The following HUNK variants were observed in gnomAD, a reference collection of about 807,000 sequenced individuals.
The protein encoded by HUNK is hormonally up-regulated neu tumor-associated kinase.
In HUNK, 21 loss-of-function variants were observed where a neutral mutation model predicts 61.0. The observed-to-expected ratio is 0.34, with a 90% CI of 0.24 to 0.50. The LOEUF (loss-of-function observed/expected upper bound fraction) is 0.50, where lower values mean the gene tolerates loss of function less well. HUNK is among the 20% of genes least tolerant of loss of function. The pLI, the probability that HUNK is intolerant of heterozygous loss-of-function variation, is 0.98. For missense variants in HUNK, 772 were observed against 945.7 expected, an observed-to-expected ratio of 0.82 and a Z score of 2.41; for synonymous variants, 371 against 386.1, an observed-to-expected ratio of 0.96 and a Z score of 0.46.
intron 7 of HUNK, among the ~76,000 whole-genome samples, chr21:31,975,206 C>T (rs1314805830): frequency 6.6e-6 from 1 of 152,162 alleles, no homozygotes; most frequent in Non-Finnish European, 1.5e-5. Context: ...ACTCTGGCAC[C>T]TTCCCTCAGT....
intron 1 of HUNK, among the ~76,000 whole-genome samples, chr21:31,908,517 A>G (rs1251406630): frequency 6.6e-6 from 1 of 152,008 alleles, no homozygotes; most frequent in African/African-American, 2.4e-5. Context: ...CGGTCGGGCA[A>G]CAGGTGGGGA....
At chr21:31,948,032 A>G (rs949654370) in intron 4 of HUNK, among the ~76,000 whole-genome samples, 3 of 152,190 alleles carry the variant, frequency 2.0e-5, no homozygotes, top group African/African-American at 7.2e-5. Flanking sequence ...CAGTGCAATC[A>G]TTACTCTCTA....
chr21:31,954,923 C>G (rs984540792), intron 4 of HUNK, among the ~76,000 whole-genome samples: 3 of 152,136 alleles, frequency 2.0e-5, no homozygotes, highest in Non-Finnish European at 4.4e-5. Context: ...TTGGGACTTA[C>G]AGGCGCATGC....
intron 6 of HUNK, 79 bp from the exon 7 acceptor site, chr21:31,974,476 C>T (rs2123852715): frequency 7.6e-7 from 1 of 1,315,276 alleles, no homozygotes; most frequent in South Asian, 1.6e-5. Flanking sequence ...ATGAATGAAG[C>T]TGATTGTGCC....
chr21:31,968,376 A>G lies in HUNK; in HGVS notation c.1001A>G (p.Tyr334Cys). The G allele has an allele frequency of 6.2e-7, 1 of 1,614,202 alleles. No individual in the cohort carries two copies. The highest frequency in any genetic ancestry group is 8.5e-7 in the Non-Finnish European group (1 of 1,180,024). ...GGCAAAGTGCCCTGTAATGTCACCT[A>G]TCCCAACAGGTAATTTCGTGCACCC... ...YTGKVPCNVT[Y>C]PNRISLEDLS... The change falls in exon 6 of 11, where the codon TAT (tyrosine) becomes TGT (cysteine). Residue 334 changes from tyrosine to cysteine, a missense_variant. Around this residue, in one of 2 missense-constraint regions of HUNK, gnomAD observed 359 missense variants for 501.3 expected, o/e 0.72. Transcript: ENST00000270112.
At chr21:31,941,311 T>C (rs12627166) in intron 3 of HUNK, among the ~76,000 whole-genome samples, 11 of 113,760 alleles carry the variant, frequency 9.7e-5, no homozygotes, top group African/African-American at 1.5e-4. Context: ...CTCTCTCTCT[T>C]TTTTTTTTTT....
chr21:31,903,693 A>G (rs189684370), intron 1 of HUNK, among the ~76,000 whole-genome samples: 7 of 152,308 alleles, frequency 4.6e-5, no homozygotes, highest in Non-Finnish European at 7.4e-5. Context: ...AATAAAATTT[A>G]CCCCTCCGTT....
At chr21:31,972,166 A>C (rs550152012) in intron 6 of HUNK, among the ~76,000 whole-genome samples, 3 of 152,242 alleles carry the variant, frequency 2.0e-5, no homozygotes, top group Admixed American at 2.0e-4. Flanking sequence ...GGGCCTGGAC[A>C]GTCTCTCCAC....
intron 1 of HUNK, among the ~76,000 whole-genome samples, chr21:31,886,384 C>T (rs920318409): frequency 1.3e-5 from 2 of 150,818 alleles, no homozygotes. Flanking sequence ...CGAGATTGCG[C>T]CATTGTACTC....
intron 6 of HUNK, among the ~76,000 whole-genome samples, chr21:31,973,603 T>A (rs1463505060): frequency 6.6e-6 from 1 of 151,826 alleles, no homozygotes; most frequent in Non-Finnish European, 1.5e-5. Flanking sequence ...ATGATGATGA[T>A]GATGATGGAT....
At chr21:31,986,712 G>A (rs1412367197) in intron 8 of HUNK, among the ~76,000 whole-genome samples, 1 of 152,062 alleles carries the variant, frequency 6.6e-6, no homozygotes, top group Non-Finnish European at 1.5e-5. Context: ...TGCTCTCTCT[G>A]CCTGTGGGGG....
chr21:31,979,515 C>CTTTTTT lies in HUNK; in HGVS notation c.1174-3988_1174-3983dup, dbSNP rs71193166. The stretch of plus-strand genomic sequence containing the variant: ...TTCTGGCTATTGAGTTGTTTGCATT[C>CTTTTTT]TTTTTTTTTTTTTTTTTTTTTTTTT... On this transcript the variant is annotated intron_variant, in intron 7 of 10. Coordinates refer to ENST00000270112, the MANE Select transcript of HUNK (RefSeq NM_014586.2). 2.0e-3 allele frequency among the ~76,000 whole-genome samples: 70 copies of CTTTTTT among 34,352 alleles called. 4 individuals carry two copies. Among genetic ancestry groups the CTTTTTT allele is most frequent in the Non-Finnish European group, 3.0e-3 (52 of 17,598 alleles). The allele number at this position is 34,352 out of a possible 152,430, so 22.5% of individuals were successfully genotyped here. A position where few individuals can be genotyped will look rare whatever the true frequency, so the allele number is the denominator to read the frequency against.
intron 2 of HUNK, among the ~76,000 whole-genome samples, chr21:31,933,199 G>A (rs1458537082): frequency 6.6e-6 from 1 of 151,750 alleles, no homozygotes; most frequent in Non-Finnish European, 1.5e-5. Context: ...TACAGGTGTG[G>A]GCCACCATGC....
At chr21:31,965,594 C>CTTTTTTTT (rs71193162) in intron 5 of HUNK, among the ~76,000 whole-genome samples, 8 of 127,464 alleles carry the variant, frequency 6.3e-5, no homozygotes, top group East Asian at 2.3e-4. Context: ...CTTTGTTTTT[C>CTTTTTTTT]TTTTTTTTTT....
At chr21:31,925,924 A>ATT (rs60079886) in intron 2 of HUNK, among the ~76,000 whole-genome samples, 8 of 144,126 alleles carry the variant, frequency 5.6e-5, no homozygotes, top group African/African-American at 1.8e-4. Flanking sequence ...AACCAGAAAT[A>ATT]TTTTTTTTTT....
chr21:31,940,723 A>ATTGG (rs925773325), intron 3 of HUNK, among the ~76,000 whole-genome samples: 37 of 152,334 alleles, frequency 2.4e-4, no homozygotes, highest in Middle Eastern at 3.4e-3. Flanking sequence ...GGGCATCATA[A>ATTGG]TTGGTTCATA....
At chr21:31,922,608 C>T (rs1028817213) in intron 1 of HUNK, among the ~76,000 whole-genome samples, 9 of 152,258 alleles carry the variant, frequency 5.9e-5, no homozygotes, top group Admixed American at 1.3e-4. Context: ...ATTACAGGCA[C>T]GAGCCACCAC....
intron 2 of HUNK, among the ~76,000 whole-genome samples, chr21:31,929,259 T>C (rs75859105): frequency 6.6e-6 from 1 of 151,942 alleles, no homozygotes; most frequent in South Asian, 2.1e-4. Context: ...TTTTTTTTTT[T>C]AATACAAAGG....
At position 31,983,067 on chromosome 21, in the gene HUNK, T is replaced by A. The variant is rs1009211911; in HGVS notation, c.1174-459T>A. ...ATCCACCCGCCTCGGCCTCCCAAAG[T>A]GGTGGGATTACAGGTATGAGCCACT... On this transcript the variant is annotated intron_variant, in intron 7 of 10. Coordinates refer to ENST00000270112, the MANE Select transcript of HUNK (RefSeq NM_014586.2). 1.1e-4 allele frequency among the ~76,000 whole-genome samples: 16 copies of A among 152,194 alleles called. 1 individual carries two copies.
Sources: allele counts gnomAD v4.1 joint callset (sites outside exome capture counted in the v4.1 genomes callset), GRCh38; gene constraint gnomAD v4.1.1; regional missense constraint gnomAD v4.1.1; transcripts MANE v1.5; gene names NCBI Gene and HGNC (gene_info 2026-07-23, HGNC 2026-07-21).